The following USP40 variants were observed in gnomAD, a reference collection of about 807,000 sequenced individuals.
The protein encoded by USP40 is ubiquitin specific peptidase 40.
A neutral mutation model predicts 166.2 loss-of-function variants in USP40; 143 were observed. The observed-to-expected ratio is 0.86, with a 90% confidence interval of 0.75 to 0.99. USP40 has a LOEUF of 0.99. Ranked by LOEUF, USP40 falls within the 50% of genes least tolerant of loss-of-function variation. USP40 has a pLI of 0.00. For synonymous variants in USP40, 498 were observed against 524.0 expected, an observed-to-expected ratio of 0.95 and a Z score of 0.68; for missense variants, 1,444 against 1,479.7, an observed-to-expected ratio of 0.98 and a Z score of 0.40.
intron 10 of USP40, among the ~76,000 whole-genome samples, chr2:233,535,646 A>C (rs2068879536): frequency 6.6e-6 from 1 of 152,198 alleles, no homozygotes; most frequent in Non-Finnish European, 1.5e-5. Context: ...AGGTAATTTG[A>C]GGGCTTGTTA....
rs1363013698 is a variant in USP40 at position 233,566,698 on chromosome 2, A to AC, written c.-35dup. 2 of 985,564 alleles carry AC rather than the reference A, an allele frequency of 2.0e-6. No homozygotes were observed. The highest frequency in any genetic ancestry group is 1.8e-5 in the African/African-American group (1 of 57,110). 61.1% of individuals were successfully genotyped at this position (985,564 alleles called of 1,614,324 possible). A position where few individuals can be genotyped will look rare whatever the true frequency, so the allele number is the denominator to read the frequency against. Reference sequence around the variant, plus strand: ...GCCGCACTTACTGCCTAAAGCCCAGACCCCCGCCCTGGCCAAAACGCGAAG... The same window carrying AC: ...GCCGCACTTACTGCCTAAAGCCCAGACCCCCCGCCCTGGCCAAAACGCGAAG... On this transcript the variant is annotated 5_prime_UTR_variant, in exon 1 of 32. An upstream open reading frame in the 5' UTR loses its in-frame stop. Coordinates refer to ENST00000678225, the MANE Select transcript of USP40 (RefSeq NM_001365479.2).
chr2:233,481,077 C>A, intron 31 of USP40, 126 bp downstream of exon 31: 6 of 853,258 alleles, frequency 7.0e-6, no homozygotes, highest in Non-Finnish European at 1.1e-5. Flanking sequence ...ACCCGCCACA[C>A]TGGTGTGCTT....
At position 233,488,261 on chromosome 2, in the gene USP40, G is replaced by C. The variant is rs1346262237; in HGVS notation, c.3175C>G (p.Leu1059Val). 1 of 1,604,624 alleles carries C rather than the reference G, an allele frequency of 6.2e-7. No homozygotes were observed. The highest frequency in any genetic ancestry group is 1.1e-5 in the South Asian group (1 of 88,722). The change falls in exon 28 of 32, where the codon CTT becomes GTT. Residue 1059 changes from leucine (L) to valine (V), a missense_variant. Leu to Val is a conservative substitution (Grantham distance 32, BLOSUM62 1). Coordinates refer to ENST00000678225, the MANE Select transcript of USP40 (RefSeq NM_001365479.2). ...TACCCCAAGTTTTCGCCTTTCTGAA[G>C]GGGCTCTAAGCAGATCTCAATTCTC... ...GRRIEICLEP[L>V]QKGENLGPQD...
rs749556913 is a variant in USP40 at position 233,488,229 on chromosome 2, A to T, written c.3197+10T>A. ...GTGTGTCACTTCAGATGCACAGGAG[A>T]ATTTCTTACCCCAAGTTTTCGCCTT... On this transcript the variant is annotated intron_variant, in intron 28 of 31. Coordinates refer to ENST00000678225, the MANE Select transcript of USP40 (RefSeq NM_001365479.2). 6.3e-7 allele frequency: 1 copy of T among 1,598,810 alleles called. No homozygotes were observed. Among genetic ancestry groups the T allele is most frequent in the Non-Finnish European group, 8.5e-7 (1 of 1,171,614 alleles).
intron 21 of USP40, among the ~76,000 whole-genome samples, chr2:233,506,007 C>A (rs1254714263): frequency 6.6e-6 from 1 of 152,056 alleles, no homozygotes; most frequent in Non-Finnish European, 1.5e-5. Flanking sequence ...TGAAAAAATT[C>A]ATAAGGAACC....
In USP40 at chr2:233,493,537, C is replaced by T. The variant is rs2125078063; in HGVS notation, c.2805G>A (p.Val935=). The T allele has an allele frequency of 6.2e-7, 1 of 1,612,484 alleles. No homozygotes were observed. The highest frequency in any genetic ancestry group is 8.5e-7 in the Non-Finnish European group (1 of 1,179,224). Residue 935 remains valine (V), a synonymous_variant, in exon 25 of 32, where the codon GTG becomes GTA. Transcript: ENST00000678225. This position sits in a 1 kb window ranked among gnomAD's most constrained non-coding sequence, Gnocchi z 4.7. ...CCTGAAGCTGGTACCACCAGATGGG[C>T]ACCTTCAGGAAACCCTGAAGAATGG... ...GQLPPLGFLK[V]PIWWYQLQGP...
At chr2:233,540,605 G>C in intron 10 of USP40, 57 bp downstream of exon 10, 2 of 1,046,886 alleles carry the variant, frequency 1.9e-6, no homozygotes, top group Non-Finnish European at 2.9e-6. Context: ...TCATGTTGTT[G>C]CGATCATAAT....
At chr2:233,542,436 C>A (rs1158372841) in intron 8 of USP40, 73 bp from the exon 9 acceptor site, 1 of 833,338 alleles carries the variant, frequency 1.2e-6, no homozygotes, top group Non-Finnish European at 1.9e-6. Flanking sequence ...GTTGGCCAGG[C>A]ACAGTAGCTC....
At position 233,493,006 on chromosome 2, in the gene USP40, G is replaced by C. The variant is rs1575228956; in HGVS notation, c.2917+419C>G. Reference sequence around the variant, plus strand: ...CCTAGAAGCAGTTCCTGAGGGTTTTGAGGCAGAAAGATTGGAAGACATGTA... The same window carrying C: ...CCTAGAAGCAGTTCCTGAGGGTTTTCAGGCAGAAAGATTGGAAGACATGTA... On this transcript the variant is annotated intron_variant, in intron 25 of 31. Coordinates refer to ENST00000678225, the MANE Select transcript of USP40 (RefSeq NM_001365479.2). The surrounding 1 kb of genome is among the most constrained non-coding windows in gnomAD (Gnocchi z 4.7). 5.0e-6 allele frequency: 1 copy of C among 200,896 alleles called. No homozygotes were observed. Among genetic ancestry groups the C allele is most frequent in the Non-Finnish European group, 1.0e-5 (1 of 98,494 alleles). 12.4% of individuals were successfully genotyped at this position (200,896 alleles called of 1,614,324 possible). A position where few individuals can be genotyped will look rare whatever the true frequency, so the allele number is the denominator to read the frequency against.
chr2:233,533,849 T>C, intron 10 of USP40, 70 bp from the exon 11 acceptor site: 3 of 1,387,284 alleles, frequency 2.2e-6, no homozygotes, highest in Non-Finnish European at 2.9e-6. Context: ...TTAAAAAATG[T>C]TTTCTTCCTT....
chr2:233,566,704 G>T lies in USP40; in HGVS notation c.-40C>A. Reference sequence around the variant, plus strand: ...CTTACTGCCTAAAGCCCAGACCCCCGCCCTGGCCAAAACGCGAAGCGAACG... The same window carrying T: ...CTTACTGCCTAAAGCCCAGACCCCCTCCCTGGCCAAAACGCGAAGCGAACG... On this transcript the variant is annotated 5_prime_UTR_variant, in exon 1 of 32. Transcript: ENST00000678225. 1.0e-6 allele frequency: 1 copy of T among 986,042 alleles called. No homozygotes were observed. 61.1% of individuals were successfully genotyped at this position (986,042 alleles called of 1,614,324 possible).
At chr2:233,495,888 G>A (rs1254119495) in intron 24 of USP40, among the ~76,000 whole-genome samples, 1 of 152,230 alleles carries the variant, frequency 6.6e-6, no homozygotes, top group African/African-American at 2.4e-5. Flanking sequence ...TAAGGTAGGT[G>A]TGTATGTGCT....
intron 18 of USP40, among the ~76,000 whole-genome samples, chr2:233,513,484 G>A (rs2066969134): frequency 6.6e-6 from 1 of 152,200 alleles, no homozygotes; most frequent in African/African-American, 2.4e-5. Flanking sequence ...TGCTTGTGGT[G>A]CACATGTGTT....
At chr2:233,539,548 A>T (rs1443478348) in intron 10 of USP40, among the ~76,000 whole-genome samples, 1 of 152,180 alleles carries the variant, frequency 6.6e-6, no homozygotes, top group Non-Finnish European at 1.5e-5. Context: ...AATAAGAGAA[A>T]TTAGAAAATA....
intron 3 of USP40, chr2:233,561,160 C>T (rs997777711): frequency 5.1e-6 from 8 of 1,575,358 alleles, no homozygotes; most frequent in East Asian, 2.3e-5. Context: ...GATGTAATAC[C>T]TTTGCATCGG....
intron 21 of USP40, among the ~76,000 whole-genome samples, chr2:233,504,545 A>G (rs183823551): frequency 6.6e-6 from 1 of 152,176 alleles, no homozygotes. Flanking sequence ...AGGTCATTAT[A>G]ATTGATAATG....
At chr2:233,498,646 T>G (rs2065882568) in intron 22 of USP40, 34 bp from the exon 23 acceptor site, 3 of 1,591,596 alleles carry the variant, frequency 1.9e-6, no homozygotes, top group Non-Finnish European at 2.6e-6. Context: ...TAAAAAAAAT[T>G]CAAAGTTAGG....
intron 26 of USP40, among the ~76,000 whole-genome samples, chr2:233,490,251 T>G (rs1045011061): frequency 7.0e-6 from 1 of 142,480 alleles, no homozygotes; most frequent in Non-Finnish European, 1.5e-5. Context: ...GCAACCTCCC[T>G]GTCCTGGGTT....
Position 233,486,186 on chromosome 2 carries a change from A to G in USP40, c.3198-209T>C, listed in dbSNP as rs1345289683. Among the ~76,000 whole-genome samples, 2 of 152,030 alleles carry G rather than the reference A, an allele frequency of 1.3e-5. No homozygotes were observed. Among genetic ancestry groups the G allele is most frequent in the Non-Finnish European group, 2.9e-5 (2 of 67,978 alleles). On this transcript the variant is annotated intron_variant, in intron 28 of 31. Transcript: ENST00000678225. This position sits in a 1 kb window ranked among gnomAD's most constrained non-coding sequence, Gnocchi z 4.0. Reference sequence around the variant, plus strand: ...AATGAAGAGCGGAAGTGAAGATCCCATTCTCGGTACACAGCAGAGCCCCCC... The same window carrying G: ...AATGAAGAGCGGAAGTGAAGATCCCGTTCTCGGTACACAGCAGAGCCCCCC...
Sources: gnomAD v4.1 joint callset for allele counts (sites outside exome capture counted in the v4.1 genomes callset) on GRCh38, gnomAD v4.1.1 for gene constraint, Gnocchi (gnomAD v3.1) non-coding constraint, MANE v1.5 for transcripts, NCBI Gene and HGNC (gene_info 2026-07-23, HGNC 2026-07-21) for gene names.